GEN1: variants seen among roughly 807,000 people sequenced by gnomAD.
GEN1 encodes flap endonuclease GEN homolog 1.
Under a neutral mutation model 67.6 loss-of-function variants are expected in GEN1, and 64 were observed. The observed-to-expected ratio is 0.95, with a 90% CI of 0.77 to 1.17. The LOEUF is 1.17. GEN1 is among the 50% of genes most tolerant of loss of function. The probability of loss-of-function intolerance (pLI) is 0.00; values close to 1 mark genes in which losing one functional copy is unlikely to be tolerated. For missense variants in GEN1, 1,058 were observed against 1,048.3 expected (o/e 1.01, Z -0.13); for synonymous variants, 371 against 359.4 (o/e 1.03, Z -0.37).
chr2:17,778,151 TATAC>T (rs369573214), intron 12 of GEN1, 88 bp downstream of exon 12: 12,940 of 461,508 alleles, frequency 0.028, 15 homozygotes, highest in East Asian at 0.074. Flanking sequence ...TATATATATA[TATAC>T]ACACACACAT....
chr2:17,778,174 GTA>G lies in GEN1; in HGVS notation c.1264+124_1264+125del, dbSNP rs10535306. The G allele has an allele frequency of 0.2, 82,993 of 412,042 alleles. 11,911 individuals carry two copies. The highest frequency in any genetic ancestry group is 0.3 in the African/African-American group (12,761 of 42,766). The allele number at this position is 412,042 out of a possible 1,614,324, so 25.5% of individuals were successfully genotyped here. A position where few individuals can be genotyped will look rare whatever the true frequency, so the allele number is the denominator to read the frequency against. On this transcript the variant is annotated intron_variant, in intron 12 of 13. Transcript: ENST00000381254. ...TATATACACACACACATAGATATGT[GTA>G]TATATATATATACACACACACATAT...
At chr2:17,777,268 A>T (rs544629182) in intron 11 of GEN1, among the ~76,000 whole-genome samples, 1 of 152,188 alleles carries the variant, frequency 6.6e-6, no homozygotes. Context: ...AATTTAATAA[A>T]CTGACTAGAA....
intron 12 of GEN1, among the ~76,000 whole-genome samples, 186 bp downstream of exon 12, chr2:17,778,249 T>TACAC (rs1491248149): frequency 1.7e-5 from 2 of 119,986 alleles, no homozygotes; most frequent in African/African-American, 7.1e-5. Flanking sequence ...TACATATATG[T>TACAC]ATACACACAT....
chr2:17,760,595 T>A (rs544714641), intron 2 of GEN1, among the ~76,000 whole-genome samples: 3 of 152,288 alleles, frequency 2.0e-5, no homozygotes, highest in African/African-American at 7.2e-5. Flanking sequence ...ACATAGCAAT[T>A]AGAATAATCA....
chr2:17,771,151 G>T, intron 6 of GEN1, 45 bp from the exon 7 acceptor site: 1 of 1,103,860 alleles, frequency 9.1e-7, no homozygotes, highest in Admixed American at 1.7e-5. Context: ...CCGTTTTTGT[G>T]ACCTCATTTT....
chr2:17,766,525 TA>T, intron 4 of GEN1, 53 bp from the exon 5 acceptor site: 1 of 906,356 alleles, frequency 1.1e-6, no homozygotes, highest in Non-Finnish European at 1.8e-6. Context: ...TAATGTGGTT[TA>T]ATGTATAAAT....
At chr2:17,765,358 C>G (rs954359420) in intron 4 of GEN1, among the ~76,000 whole-genome samples, 1 of 152,186 alleles carries the variant, frequency 6.6e-6, no homozygotes, top group South Asian at 2.1e-4. Flanking sequence ...TGCTTTGATC[C>G]TGAATTTCCA....
At chr2:17,778,828 A>ATTATTC (rs61586638) in intron 12 of GEN1, among the ~76,000 whole-genome samples, 2,032 of 151,826 alleles carry the variant, frequency 0.013, 25 homozygotes, top group African/African-American at 0.032. Flanking sequence ...TTATTGTCAA[A>ATTATTC]TTATTCTTAT....
intron 11 of GEN1, among the ~76,000 whole-genome samples, chr2:17,777,034 G>A (rs1263438686): frequency 2.0e-5 from 3 of 152,130 alleles, no homozygotes; most frequent in Non-Finnish European, 2.9e-5. Flanking sequence ...GCTGAGGCAC[G>A]AGAATCTCTT....
chr2:17,774,296 G>A lies in GEN1; in HGVS notation c.1097G>A (p.Trp366Ter). Reference sequence around the variant, plus strand: ...AGATTTACTCTTGAAAAAATGGAGTGGCCCAATCACTATGCATGTGAGAAA... The same window carrying A: ...AGATTTACTCTTGAAAAAATGGAGTAGCCCAATCACTATGCATGTGAGAAA... ...FQRFTLEKME[W>*]PNHYACEKLL... Residue 366 changes from tryptophan to a stop codon, truncating the protein, a stop_gained, in exon 11 of 14, where the codon TGG becomes TAG. Transcript: ENST00000381254. LOFTEE classifies it high-confidence loss of function. The A allele has an allele frequency of 1.3e-6, 2 of 1,579,172 alleles. No individual in the cohort carries two copies. Among genetic ancestry groups the A allele is most frequent in the South Asian group, 1.1e-5 (1 of 87,218 alleles).
chr2:17,771,328 A>G, intron 7 of GEN1, 41 bp downstream of exon 7: 1 of 1,133,388 alleles, frequency 8.8e-7, no homozygotes, highest in Non-Finnish European at 1.3e-6. Context: ...TCTCATACCC[A>G]TGTTTTAATT....
At chr2:17,778,588 CTT>C (rs147381839) in intron 12 of GEN1, among the ~76,000 whole-genome samples, 20,773 of 151,722 alleles carry the variant, frequency 0.14, 1,714 homozygotes, top group African/African-American at 0.24. Context: ...ATATGATAAA[CTT>C]TGATTTTATT....
At position 17,784,503 on chromosome 2, in the gene GEN1, C is replaced by G. The variant is rs1336678385; in HGVS notation, c.*2564C>G. 2 of 152,122 alleles carry G rather than the reference C, an allele frequency of 1.3e-5. No homozygotes were observed. Among genetic ancestry groups the G allele is most frequent in the Non-Finnish European group, 2.9e-5 (2 of 68,024 alleles). The allele number at this position is 152,122 out of a possible 1,614,324, so 9.4% of individuals were successfully genotyped here. On this transcript the variant is annotated 3_prime_UTR_variant, in exon 14 of 14. Transcript: ENST00000381254. Reference sequence around the variant, plus strand: ...TGAAAACTTATATCCACATAAAAACCTGTGCACAAATGTCCATAGCAGCGT... The same window carrying G: ...TGAAAACTTATATCCACATAAAAACGTGTGCACAAATGTCCATAGCAGCGT...
At chr2:17,766,791 G>A (rs1012885384) in intron 5 of GEN1, 102 bp downstream of exon 5, 20 of 589,798 alleles carry the variant, frequency 3.4e-5, no homozygotes, top group African/African-American at 7.7e-5. Context: ...ATTAAAAATC[G>A]AATTTAAAAT....
In GEN1 at chr2:17,766,581, C is replaced by T; in HGVS notation, c.528C>T (p.Asp176=). ...AACTAAATCTGTTCTTTCTTTAGGA[C>T]CCACATGTTGACTGTTACACAATGT... ...VYRNFTMNTK[D]PHVDCYTMSS... Residue 176 remains aspartate (D), a splice_region_variant and synonymous_variant, in exon 5 of 14, where the codon GAC becomes GAT. Transcript: ENST00000381254. 2.6e-6 allele frequency: 4 copies of T among 1,535,822 alleles called. No homozygotes were observed. The highest frequency in any genetic ancestry group is 3.6e-6 in the Non-Finnish European group (4 of 1,114,006).
In GEN1 at chr2:17,786,452, G is replaced by T. The variant is rs1354551068; in HGVS notation, c.*4513G>T. The T allele has an allele frequency of 6.6e-6, 1 of 152,038 alleles. No homozygotes were observed. The highest frequency in any genetic ancestry group is 2.4e-5 in the African/African-American group (1 of 41,442). 9.4% of individuals were successfully genotyped at this position (152,038 alleles called of 1,614,324 possible). On this transcript the variant is annotated 3_prime_UTR_variant, in exon 14 of 14. Transcript: ENST00000381254. ...ATTGTGCTTGCTTAAATATAATGTG[G>T]TAACTAATATTCATCTAATCACCTA...
chr2:17,754,608 G>A (rs1380057906), intron 1 of GEN1: 1 of 152,264 alleles, frequency 6.6e-6, no homozygotes, highest in Non-Finnish European at 1.5e-5. Flanking sequence ...AAGCTGCTGG[G>A]TCCCGCTGTG....
chr2:17,765,091 C>G lies in GEN1; in HGVS notation c.525+18C>G. The G allele has an allele frequency of 1.2e-6, 2 of 1,610,442 alleles. No individual in the cohort carries two copies. Among genetic ancestry groups the G allele is most frequent in the East Asian group, 2.2e-5 (1 of 44,834 alleles). On this transcript the variant is annotated intron_variant, in intron 4 of 13. Transcript: ENST00000381254. ...ATACAAAGGTGTTTATTTTCTTTCT[C>G]TTTTTCAGCATTTGTTTACGAACTA... is the stretch of plus-strand genomic sequence containing the variant.
At chr2:17,753,882 G>C (rs1341327854), upstream of GEN1, 2 of 150,624 alleles carry the variant, frequency 1.3e-5, no homozygotes, top group Non-Finnish European at 3.0e-5. Flanking sequence ...TCGCGCCGCC[G>C]GAGTCTGAGA....
Sources: allele counts gnomAD v4.1 joint callset (sites outside exome capture counted in the v4.1 genomes callset), GRCh38; gene constraint gnomAD v4.1.1; transcripts MANE v1.5; gene names NCBI Gene and HGNC (gene_info 2026-07-23, HGNC 2026-07-21).